SNX4: variants seen among roughly 807,000 people sequenced by gnomAD.
The protein encoded by SNX4 is sorting nexin 4, also known as sorting nexin-4.
Under a neutral mutation model 70.8 loss-of-function variants are expected in SNX4, and 49 were observed. The observed-to-expected ratio is 0.69, with a 90% CI of 0.55 to 0.88. The LOEUF (loss-of-function observed/expected upper bound fraction) is 0.88, where lower values mean the gene tolerates loss of function less well. Ranked by LOEUF, SNX4 falls within the 40% of genes least tolerant of loss-of-function variation. The pLI, the probability that SNX4 is intolerant of heterozygous loss-of-function variation, is 0.00. For missense variants in SNX4, 528 were observed against 544.8 expected (o/e 0.97, Z 0.31); for synonymous variants, 206 against 183.8 (o/e 1.12, Z -0.98).
intron 12 of SNX4, 58 bp from the exon 13 acceptor site, chr3:125,451,477 A>C (rs1933571689): frequency 7.8e-7 from 1 of 1,282,206 alleles, no homozygotes; most frequent in African/African-American, 1.5e-5. Context: ...GTGTACTAAA[A>C]AGTTAACCAG....
chr3:125,447,865 A>G (rs577082660), intron 13 of SNX4, 39 bp from the exon 14 acceptor site: 2 of 1,407,292 alleles, frequency 1.4e-6, no homozygotes, highest in African/African-American at 2.9e-5. Flanking sequence ...GTGAGTTTGG[A>G]AGGAATCTGA....
chr3:125,492,891 T>C, intron 5 of SNX4, among the ~76,000 whole-genome samples: 1 of 152,186 alleles, frequency 6.6e-6, no homozygotes, highest in South Asian at 2.1e-4. Context: ...GCTCTGGTAG[T>C]CCTTGCCCCA....
At chr3:125,481,112 T>A (rs2107546061) in intron 6 of SNX4, among the ~76,000 whole-genome samples, 1 of 152,282 alleles carries the variant, frequency 6.6e-6, no homozygotes, top group South Asian at 2.1e-4. Flanking sequence ...TCCCCAGCAA[T>A]AACCACTTCT....
intron 11 of SNX4, among the ~76,000 whole-genome samples, chr3:125,454,985 A>G (rs115882526): frequency 0.038 from 5,753 of 152,106 alleles, 247 homozygotes; most frequent in African/African-American, 0.092. Flanking sequence ...CTAGAATGTA[A>G]TGGCACAATC....
chr3:125,491,994 G>A (rs946019997), intron 5 of SNX4, among the ~76,000 whole-genome samples: 1 of 150,014 alleles, frequency 6.7e-6, no homozygotes, highest in Non-Finnish European at 1.5e-5. Context: ...TGTAATCCCA[G>A]CTACTCAGGA....
chr3:125,476,265 CAA>C (rs749425097), intron 8 of SNX4, among the ~76,000 whole-genome samples: 46 of 46,794 alleles, frequency 9.8e-4, no homozygotes, highest in African/African-American at 2.6e-3. Flanking sequence ...GACTCCATCT[CAA>C]AAAAAAAAAA....
At chr3:125,486,534 G>A (rs888185397) in intron 6 of SNX4, among the ~76,000 whole-genome samples, 1 of 152,148 alleles carries the variant, frequency 6.6e-6, no homozygotes, top group African/African-American at 2.4e-5. Flanking sequence ...GCTGAGGCAG[G>A]AGAATGGCGT....
intron 6 of SNX4, among the ~76,000 whole-genome samples, chr3:125,485,085 A>C (rs1220380127): frequency 6.6e-6 from 1 of 151,662 alleles, no homozygotes; most frequent in South Asian, 2.1e-4. Context: ...AAAAACAAAA[A>C]CAAAAAACCA....
At chr3:125,452,201 G>C (rs544304695) in intron 12 of SNX4, among the ~76,000 whole-genome samples, 1 of 151,504 alleles carries the variant, frequency 6.6e-6, no homozygotes, top group Non-Finnish European at 1.5e-5. Context: ...CACATCCAGG[G>C]TTCTTGCCTC....
intron 6 of SNX4, among the ~76,000 whole-genome samples, chr3:125,481,447 C>CT (rs34708524): frequency 0.07 from 9,460 of 134,806 alleles, 442 homozygotes; most frequent in Non-Finnish European, 0.1. Context: ...TTCCTGAAAT[C>CT]TTTTTTTTTT....
chr3:125,456,881 G>A (rs902058462), intron 11 of SNX4, among the ~76,000 whole-genome samples: 17 of 151,862 alleles, frequency 1.1e-4, no homozygotes, highest in East Asian at 3.9e-4. Flanking sequence ...GGCTAATCTC[G>A]AACTCCTGAC....
intron 1 of SNX4, among the ~76,000 whole-genome samples, chr3:125,510,694 T>C (rs1049281663): frequency 3.9e-5 from 6 of 152,170 alleles, no homozygotes; most frequent in Admixed American, 6.6e-5. Flanking sequence ...TATGATTCCC[T>C]GTATATGAGG....
intron 7 of SNX4, among the ~76,000 whole-genome samples, chr3:125,477,654 A>C (rs1206048545): frequency 6.6e-6 from 1 of 152,212 alleles, no homozygotes; most frequent in Admixed American, 6.5e-5. Context: ...CCCTTTCAAG[A>C]TCTCATCTTA....
Position 125,447,153 on chromosome 3 carries a change from A to C in SNX4, c.*626T>G, listed in dbSNP as rs192289883. The C allele has an allele frequency of 1.3e-5, 2 of 152,786 alleles. No individual in the cohort carries two copies. Among genetic ancestry groups the C allele is most frequent in the African/African-American group, 4.8e-5 (2 of 41,584 alleles). The allele number at this position is 152,786 out of a possible 1,614,324, so 9.5% of individuals were successfully genotyped here. A position where few individuals can be genotyped will look rare whatever the true frequency, so the allele number is the denominator to read the frequency against. On this transcript the variant is annotated 3_prime_UTR_variant, in exon 14 of 14. Coordinates refer to ENST00000251775, the MANE Select transcript of SNX4 (RefSeq NM_003794.4). Reference sequence around the variant, plus strand: ...GACAATGTATCCCATTATAGATCTGAGAAGTTGAGTCTTCTTTGTTGGCAG... The same window carrying C: ...GACAATGTATCCCATTATAGATCTGCGAAGTTGAGTCTTCTTTGTTGGCAG...
chr3:125,457,490 A>G (rs555796786), intron 10 of SNX4, 125 bp from the exon 11 acceptor site: 1 of 689,410 alleles, frequency 1.5e-6, no homozygotes, highest in East Asian at 2.9e-5. Context: ...CAGAATTTTC[A>G]AGTTTAAAAT....
intron 11 of SNX4, 87 bp from the exon 12 acceptor site, chr3:125,454,042 G>A (rs1933648093): frequency 1.8e-6 from 2 of 1,139,128 alleles, no homozygotes; most frequent in Admixed American, 4.6e-5. Context: ...GCCTTTAAAA[G>A]GAATCAAATC....
Position 125,447,783 on chromosome 3 carries a change from A to G in SNX4, c.1349T>C (p.Met450Thr), listed in dbSNP as rs185832018. 4 of 1,591,914 alleles carry G rather than the reference A, an allele frequency of 2.5e-6. No individual in the cohort carries two copies. The East Asian group carries it at 9.0e-5, about 36-fold the overall frequency. ...AGAGAAATTCAATTCACAGGATTAC[A>G]TCTTGCTAAAGCATTCCTTAGCATT... The part of the protein sequence containing the change: ...WTNAKECFSK[M>T] Residue 450 changes from methionine to threonine, a missense_variant, in exon 14 of 14, where the codon ATG (methionine) becomes ACG (threonine). By Grantham distance (81) the Met-to-Thr change is moderately conservative. Coordinates refer to ENST00000251775, the MANE Select transcript of SNX4 (RefSeq NM_003794.4).
At chr3:125,477,374 A>T (rs1413492097) in intron 7 of SNX4, among the ~76,000 whole-genome samples, 3 of 152,224 alleles carry the variant, frequency 2.0e-5, no homozygotes, top group Non-Finnish European at 4.4e-5. Flanking sequence ...ACAGAATTAC[A>T]ATTTACATCA....
intron 11 of SNX4, among the ~76,000 whole-genome samples, chr3:125,454,971 C>T (rs914322775): frequency 6.6e-6 from 1 of 151,964 alleles, no homozygotes; most frequent in Non-Finnish European, 1.5e-5. Flanking sequence ...CTCTGTTGCC[C>T]AGGCTAGAAT....
Sources: gnomAD v4.1 joint callset for allele counts (sites outside exome capture counted in the v4.1 genomes callset) on GRCh38, gnomAD v4.1.1 for gene constraint, MANE v1.5 for transcripts, NCBI Gene and HGNC (gene_info 2026-07-23, HGNC 2026-07-21) for gene names.